PEX13: variants seen among roughly 807,000 people sequenced by gnomAD.
The protein encoded by PEX13 is peroxisome biogenesis factor 13.
PEX13 carries 28 observed loss-of-function variants against 34.5 expected under a neutral mutation model. The ratio of observed to expected loss-of-function variants is 0.81; its 90% confidence interval spans 0.60 to 1.11. The LOEUF is 1.11. Ranked by LOEUF, PEX13 falls within the 50% of genes most tolerant of loss-of-function variation. The pLI, the probability that PEX13 is intolerant of heterozygous loss-of-function variation, is 0.00. For missense variants in PEX13, 550 were observed against 491.0 expected, an observed-to-expected ratio of 1.12 and a Z score of -1.13; for synonymous variants, 177 against 175.1, an observed-to-expected ratio of 1.01 and a Z score of -0.09.
chr2:61,028,347 A>T (rs987273503), intron 1 of PEX13, among the ~76,000 whole-genome samples: 1 of 151,564 alleles, frequency 6.6e-6, no homozygotes, highest in Non-Finnish European at 1.5e-5. Context: ...GTTAAACAAC[A>T]CTTGGGGGAA....
chr2:61,027,678 C>T (rs1309393561), intron 1 of PEX13, among the ~76,000 whole-genome samples: 2 of 152,166 alleles, frequency 1.3e-5, no homozygotes, highest in Non-Finnish European at 2.9e-5. Flanking sequence ...AGGCCCGTAG[C>T]TTCAGCCCTC....
chr2:61,025,358 CATTATT>C (rs553600004), intron 1 of PEX13, among the ~76,000 whole-genome samples: 9 of 143,392 alleles, frequency 6.3e-5, no homozygotes, highest in South Asian at 2.3e-4. Flanking sequence ...TTATTATTAT[CATTATT>C]ATTATTATTA....
intron 1 of PEX13, chr2:61,018,159 C>CA (rs1680140872): frequency 6.4e-7 from 1 of 1,550,744 alleles, no homozygotes; most frequent in Non-Finnish European, 8.7e-7. Context: ...TTCACTTTGA[C>CA]AGAATGGCTT....
intron 2 of PEX13, among the ~76,000 whole-genome samples, chr2:61,045,285 A>G (rs1680688210): frequency 6.6e-6 from 1 of 152,204 alleles, no homozygotes; most frequent in African/African-American, 2.4e-5. Context: ...CCTTCCCCCA[A>G]AATATTTCAT....
At chr2:61,042,388 G>A (rs1473977238) in intron 2 of PEX13, among the ~76,000 whole-genome samples, 1 of 151,922 alleles carries the variant, frequency 6.6e-6, no homozygotes, top group African/African-American at 2.4e-5. Flanking sequence ...ATACTACAGT[G>A]GGTTTTTTTT....
chr2:61,049,076 A>G lies in PEX13; in HGVS notation c.*306A>G. 1 of 388,720 alleles carries G rather than the reference A, an allele frequency of 2.6e-6. No homozygotes were observed. The allele number at this position is 388,720 out of a possible 1,614,324, so 24.1% of individuals were successfully genotyped here. A position where few individuals can be genotyped will look rare whatever the true frequency, so the allele number is the denominator to read the frequency against. On this transcript the variant is annotated 3_prime_UTR_variant, in exon 4 of 4. Coordinates refer to ENST00000295030, the MANE Select transcript of PEX13 (RefSeq NM_002618.4). ...ATTGGAAGAGTAAGATTGATGAACT[A>G]TAGCATGCACAGTTTGGTACAGTAG...
At chr2:61,021,866 G>C (rs1443275828) in intron 1 of PEX13, among the ~76,000 whole-genome samples, 1 of 152,164 alleles carries the variant, frequency 6.6e-6, no homozygotes, top group Non-Finnish European at 1.5e-5. Context: ...AGCCTCTGCT[G>C]GTGATACCCA....
At chr2:61,022,327 G>A (rs969310079) in intron 1 of PEX13, among the ~76,000 whole-genome samples, 1 of 152,180 alleles carries the variant, frequency 6.6e-6, no homozygotes, top group African/African-American at 2.4e-5. Flanking sequence ...GTGTAGAGAA[G>A]ACCTTAAATG....
chr2:61,021,095 C>T (rs886064662), intron 1 of PEX13, among the ~76,000 whole-genome samples: 1 of 152,152 alleles, frequency 6.6e-6, no homozygotes, highest in Non-Finnish European at 1.5e-5. Flanking sequence ...CAGCTCCCAG[C>T]GTGATTGACG....
chr2:61,044,258 AG>A (rs1680670570), intron 2 of PEX13, among the ~76,000 whole-genome samples: 1 of 151,632 alleles, frequency 6.6e-6, no homozygotes, highest in African/African-American at 2.4e-5. Context: ...GCCCAGACTT[AG>A]TTATATTCTT....
rs1680643180 is a variant in PEX13 at position 61,042,656 on chromosome 2, C to T, written c.788-3070C>T. Among the ~76,000 whole-genome samples the T allele has an allele frequency of 1.3e-5, 2 of 152,024 alleles. 1 individual carries two copies. Among genetic ancestry groups the T allele is most frequent in the Non-Finnish European group, 2.9e-5 (2 of 68,014 alleles). On this transcript the variant is annotated intron_variant, in intron 2 of 3. Transcript: ENST00000295030. The stretch of plus-strand genomic sequence containing the variant: ...TGGAATTCTCATCACAGCAGAATTT[C>T]CGCATCAAAATAAAAATAAAATAAA...
intron 1 of PEX13, among the ~76,000 whole-genome samples, chr2:61,024,576 G>A (rs1274921656): frequency 3.3e-5 from 5 of 152,140 alleles, no homozygotes; most frequent in Non-Finnish European, 4.4e-5. Context: ...TTGGGAGGCC[G>A]AGGCGCGTGG....
At chr2:61,033,789 A>C (rs1044802842) in intron 2 of PEX13, among the ~76,000 whole-genome samples, 1 of 152,166 alleles carries the variant, frequency 6.6e-6, no homozygotes. Flanking sequence ...ATGTAGAGGT[A>C]TGTAAGTGGC....
At chr2:61,033,211 A>G (rs1191859708) in intron 2 of PEX13, among the ~76,000 whole-genome samples, 2 of 152,146 alleles carry the variant, frequency 1.3e-5, no homozygotes, top group Admixed American at 1.3e-4. Flanking sequence ...CTTGACACAT[A>G]GAAGGTACTT....
chr2:61,018,361 C>G, intron 1 of PEX13: 6 of 1,489,642 alleles, frequency 4.0e-6, no homozygotes, highest in Non-Finnish European at 5.4e-6. Flanking sequence ...CATAACTCAG[C>G]CAGTGTTTCG....
intron 1 of PEX13, among the ~76,000 whole-genome samples, chr2:61,030,864 G>A (rs750938763): frequency 6.6e-6 from 1 of 152,126 alleles, no homozygotes; most frequent in South Asian, 2.1e-4. Flanking sequence ...TGGGTGGAGG[G>A]GTGGGCAGGA....
intron 1 of PEX13, among the ~76,000 whole-genome samples, chr2:61,024,273 T>TG (rs1426937736): frequency 1.3e-5 from 2 of 152,232 alleles, no homozygotes; most frequent in African/African-American, 4.8e-5. Context: ...CTGACTTTGA[T>TG]GCCTCTTATT....
Position 61,032,104 on chromosome 2 carries a change from G to C in PEX13, c.778G>C (p.Glu260Gln). 6.2e-7 allele frequency: 1 copy of C among 1,607,944 alleles called. No homozygotes were observed. The highest frequency in any genetic ancestry group is 8.5e-7 in the Non-Finnish European group (1 of 1,174,572). ...IWKLLSTHSD[E>Q]VTDSINWASG... ...GAAACTATTGTCTACTCACAGTGAT[G>C]AAGTAACAGGTAAGAGAACTGTAAG... is the stretch of plus-strand genomic sequence containing the variant. Residue 260 changes from glutamate (E) to glutamine (Q), a missense_variant, in exon 2 of 4, where the codon GAA becomes CAA. By Grantham distance (29) the Glu-to-Gln change is conservative (BLOSUM62 2). Transcript: ENST00000295030.
intron 3 of PEX13, 51 bp downstream of exon 3, chr2:61,045,902 A>G: frequency 7.0e-7 from 1 of 1,427,380 alleles, no homozygotes; most frequent in Non-Finnish European, 9.9e-7. Context: ...GATATTCATA[A>G]ATGCAGTATT....
Sources: gnomAD v4.1 joint callset for allele counts (sites outside exome capture counted in the v4.1 genomes callset) on GRCh38, gnomAD v4.1.1 for gene constraint, MANE v1.5 for transcripts, NCBI Gene and HGNC (gene_info 2026-07-23, HGNC 2026-07-21) for gene names.